The following DHX40 variants were observed in gnomAD, a reference collection of about 807,000 sequenced individuals.
DHX40 encodes probable ATP-dependent RNA helicase DHX40.
A neutral mutation model predicts 89.6 loss-of-function variants in DHX40; 28 were observed. The ratio of observed to expected loss-of-function variants is 0.31; its 90% CI spans 0.23 to 0.43. The LOEUF is 0.43. Ranked by LOEUF, DHX40 falls within the 20% of genes least tolerant of loss-of-function variation. The pLI, the probability that DHX40 is intolerant of heterozygous loss-of-function variation, is 1.00. For missense variants in DHX40, 457 were observed against 844.0 expected, an observed-to-expected ratio of 0.54 and a Z score of 5.68; for synonymous variants, 226 against 283.6, an observed-to-expected ratio of 0.80 and a Z score of 2.04.
chr17:59,570,132 A>G lies in DHX40; in HGVS notation c.281-386A>G, dbSNP rs2048776296. Among the ~76,000 whole-genome samples the G allele has an allele frequency of 2.3e-5, 3 of 130,052 alleles. No homozygotes were observed. The South Asian group carries it at 6.4e-4, about 28-fold the overall frequency. 85.3% of individuals were successfully genotyped at this position (130,052 alleles called of 152,430 possible). On this transcript the variant is annotated intron_variant, in intron 2 of 17. Transcript: ENST00000251241. Reference sequence around the variant, plus strand: ...AATATATTATAATGTATATTTATATATAATATATTATAAATTATATAATAC... The same window carrying G: ...AATATATTATAATGTATATTTATATGTAATATATTATAAATTATATAATAC...
rs1267798292 is a variant in DHX40, at chr17:59,608,039, C to A, written c.*867C>A. ...CTGTTTGGGTAGGGCCATTTAACTTCCATTATGCCAAACTTGGGATGGGAT... is the reference window on the plus strand; with the variant it reads ...CTGTTTGGGTAGGGCCATTTAACTTACATTATGCCAAACTTGGGATGGGAT... On this transcript the variant is annotated 3_prime_UTR_variant, in exon 18 of 18. Coordinates refer to ENST00000251241, the MANE Select transcript of DHX40 (RefSeq NM_024612.5). The A allele has an allele frequency of 1.3e-5, 2 of 154,730 alleles. No homozygotes were observed. Among genetic ancestry groups the A allele is most frequent in the Non-Finnish European group, 2.9e-5 (2 of 68,208 alleles). 9.6% of individuals were successfully genotyped at this position (154,730 alleles called of 1,614,324 possible). A position where few individuals can be genotyped will look rare whatever the true frequency, so the allele number is the denominator to read the frequency against.
intron 14 of DHX40, among the ~76,000 whole-genome samples, chr17:59,601,082 T>A (rs1292671091): frequency 2.7e-5 from 4 of 148,846 alleles, no homozygotes; most frequent in African/African-American, 9.9e-5. Context: ...AGTGTGGGGA[T>A]CACTTGAGCC....
chr17:59,600,421 G>T (rs1159681033), intron 14 of DHX40, among the ~76,000 whole-genome samples: 2 of 150,038 alleles, frequency 1.3e-5, no homozygotes, highest in African/African-American at 4.9e-5. Context: ...ATATAAGTTT[G>T]CATTTCCTAG....
chr17:59,573,259 T>A (rs771682354), intron 4 of DHX40, 24 bp downstream of exon 4: 1 of 1,571,842 alleles, frequency 6.4e-7, no homozygotes, highest in Non-Finnish European at 8.6e-7. Context: ...TTTATTATTA[T>A]TTTTTTATTA....
chr17:59,603,343 A>G (rs1268816154), intron 15 of DHX40: 2 of 152,206 alleles, frequency 1.3e-5, no homozygotes, highest in Non-Finnish European at 2.9e-5. Context: ...TAGCTCTGAG[A>G]TAATAACAAT....
chr17:59,588,684 A>G (rs2049036267), intron 12 of DHX40, among the ~76,000 whole-genome samples: 1 of 152,028 alleles, frequency 6.6e-6, no homozygotes, highest in African/African-American at 2.4e-5. Flanking sequence ...TAGTTATTTA[A>G]CAGATAGATC....
In DHX40 at chr17:59,566,682, G is replaced by C. The variant is rs779729021; in HGVS notation, c.168G>C (p.Gln56His). The change falls in exon 2 of 18, where the codon CAG becomes CAC. Residue 56 changes from glutamine (Q) to histidine (H), a missense_variant. Physicochemically the swap from Gln to His is conservative, Grantham distance 24. Transcript: ENST00000251241. ...GAACTACTCCAACTTTTCCTATTCA[G>C]AAACAAAGAAAAAAGATTATTCAAG... ...EGGTTPTFPI[Q>H]KQRKKIIQAV... 1.9e-6 allele frequency: 3 copies of C among 1,605,122 alleles called. No individual in the cohort carries two copies. In the African/African-American group the frequency reaches 4.0e-5, roughly 22 times the overall value.
At chr17:59,606,745 C>CAAAA (rs777660578) in intron 17 of DHX40, among the ~76,000 whole-genome samples, 1 of 57,558 alleles carries the variant, frequency 1.7e-5, no homozygotes, top group African/African-American at 6.8e-5. Context: ...GACTCCGTCT[C>CAAAA]AAAAAAAAAA....
intron 2 of DHX40, 48 bp downstream of exon 2, chr17:59,566,842 CT>C (rs750174629): frequency 6.7e-7 from 1 of 1,492,718 alleles, no homozygotes; most frequent in Non-Finnish European, 9.0e-7. Context: ...AAAATATCCT[CT>C]TTTTAAAGGC....
chr17:59,589,864 G>A (rs2049056181), intron 12 of DHX40, among the ~76,000 whole-genome samples: 2 of 148,616 alleles, frequency 1.3e-5, no homozygotes, highest in South Asian at 4.3e-4. Flanking sequence ...GGGATTACAG[G>A]CATGGGCCAC....
intron 2 of DHX40, among the ~76,000 whole-genome samples, chr17:59,567,469 G>C (rs1306936938): frequency 5.3e-5 from 8 of 152,202 alleles, no homozygotes. Context: ...GACAAGAAAA[G>C]TAACTTTGAA....
chr17:59,568,394 A>C (rs1371469310), intron 2 of DHX40, among the ~76,000 whole-genome samples: 1 of 152,174 alleles, frequency 6.6e-6, no homozygotes, highest in Non-Finnish European at 1.5e-5. Context: ...CTTCAATCTA[A>C]GGTGCCATCT....
At chr17:59,569,634 C>T (rs925255478) in intron 2 of DHX40, among the ~76,000 whole-genome samples, 113 of 146,518 alleles carry the variant, frequency 7.7e-4, no homozygotes, top group Non-Finnish European at 1.2e-3. Flanking sequence ...TGCAGTGAGC[C>T]GAGATCGCGC....
Position 59,605,630 on chromosome 17 carries a change from CAAG to C in DHX40, c.2160_2162del (p.Arg722del). ...GCCCGACGTGAAGTGAGAGAAGATG[CAAG>C]AAGGAGATGGACAAATAAGGAAAAT... On this transcript the variant is annotated inframe_deletion, in exon 17 of 18. Transcript: ENST00000251241. The C allele has an allele frequency of 6.2e-7, 1 of 1,613,820 alleles. No individual in the cohort carries two copies. Among genetic ancestry groups the C allele is most frequent in the South Asian group, 1.1e-5 (1 of 91,044 alleles).
chr17:59,576,986 C>T (rs1314411834), intron 7 of DHX40: 8 of 372,772 alleles, frequency 2.1e-5, no homozygotes, highest in Non-Finnish European at 4.1e-5. Context: ...TCTCCTGCCT[C>T]AGCCTCCCGA....
intron 8 of DHX40, among the ~76,000 whole-genome samples, chr17:59,578,111 G>A (rs548616676): frequency 1.3e-5 from 2 of 151,856 alleles, no homozygotes; most frequent in East Asian, 3.9e-4. Flanking sequence ...GACAACTAAT[G>A]CAAAGTTCTT....
At position 59,573,316 on chromosome 17, in the gene DHX40, C is replaced by T. The variant is rs532426039; in HGVS notation, c.546+81C>T. On this transcript the variant is annotated intron_variant, in intron 4 of 17. Transcript: ENST00000251241. ...CTTTTTATTGTGTAGAGAATTGCCT[C>T]CTCTTACTTTTTAATTTAATTTAAT... The T allele has an allele frequency of 2.0e-4, 237 of 1,199,028 alleles. No individual in the cohort carries two copies. The East Asian group carries it at 5.6e-3, about 28-fold the overall frequency. 74.3% of individuals were successfully genotyped at this position (1,199,028 alleles called of 1,614,324 possible). A position where few individuals can be genotyped will look rare whatever the true frequency, so the allele number is the denominator to read the frequency against.
At chr17:59,568,087 G>C (rs927148471) in intron 2 of DHX40, among the ~76,000 whole-genome samples, 1 of 152,010 alleles carries the variant, frequency 6.6e-6, no homozygotes, top group African/African-American at 2.4e-5. Context: ...CAAAAATTAG[G>C]CGTGGTGGCG....
chr17:59,602,429 AC>A (rs2030586719), intron 14 of DHX40, 92 bp from the exon 15 acceptor site: 1 of 1,171,726 alleles, frequency 8.5e-7, no homozygotes, highest in African/African-American at 1.5e-5. Flanking sequence ...TTGGCCAGAA[AC>A]AGAGGTCTTT....
Sources: gnomAD v4.1 joint callset for allele counts (sites outside exome capture counted in the v4.1 genomes callset) on GRCh38, gnomAD v4.1.1 for gene constraint, MANE v1.5 for transcripts, NCBI Gene and HGNC (gene_info 2026-07-23, HGNC 2026-07-21) for gene names.